Variants in CNTNAP2 observed in about 807,000 individuals in gnomAD.
The protein encoded by CNTNAP2 is contactin associated protein 2.
In CNTNAP2, 98 loss-of-function variants were observed where a neutral mutation model predicts 155.2. That is an observed-to-expected ratio of 0.63 (90% CI 0.54 to 0.75). CNTNAP2 has a LOEUF of 0.75. Among genes scored for constraint, CNTNAP2 ranks in the 30% least tolerant of loss-of-function variants. CNTNAP2 has a pLI of 0.00. For synonymous variants in CNTNAP2, 651 were observed against 631.2 expected (o/e 1.03, Z -0.47); for missense variants, 1,727 against 1,688.1 (o/e 1.02, Z -0.40).
chr7:147,180,233 T>C (rs1802426754), intron 8 of CNTNAP2, among the ~76,000 whole-genome samples: 1 of 152,226 alleles, frequency 6.6e-6, no homozygotes, highest in African/African-American at 2.4e-5. Context: ...GACTTTCTGA[T>C]TCTCTTTCTA....
At chr7:148,145,384 A>C (rs1450168914) in intron 16 of CNTNAP2, among the ~76,000 whole-genome samples, 1 of 152,192 alleles carries the variant, frequency 6.6e-6, no homozygotes, top group Non-Finnish European at 1.5e-5. Context: ...TGGCACTCAG[A>C]GTTTTTCCAA....
chr7:147,533,335 A>G (rs938540666), intron 11 of CNTNAP2, among the ~76,000 whole-genome samples: 3 of 152,202 alleles, frequency 2.0e-5, no homozygotes, highest in African/African-American at 4.8e-5. Flanking sequence ...TTATGTTTAC[A>G]TAAGTCTCTA....
chr7:146,754,413 T>G (rs970309711), intron 1 of CNTNAP2, among the ~76,000 whole-genome samples: 9 of 152,054 alleles, frequency 5.9e-5, no homozygotes, highest in Non-Finnish European at 1.3e-4. Context: ...TTTATTGTAA[T>G]TTTTGTTATC....
chr7:146,356,713 A>G (rs1795003778), intron 1 of CNTNAP2, among the ~76,000 whole-genome samples: 1 of 152,178 alleles, frequency 6.6e-6, no homozygotes, highest in African/African-American at 2.4e-5. Flanking sequence ...GATTTTCTAG[A>G]GTTTGGATGG....
intron 4 of CNTNAP2, among the ~76,000 whole-genome samples, chr7:147,104,054 T>C (rs1196138100): frequency 2.0e-5 from 3 of 152,070 alleles, no homozygotes; most frequent in East Asian, 3.9e-4. Context: ...GAAGTCCAAG[T>C]ATAATCTGTA....
intron 1 of CNTNAP2, among the ~76,000 whole-genome samples, chr7:146,132,794 T>G (rs980009894): frequency 2.7e-5 from 4 of 150,580 alleles, no homozygotes; most frequent in African/African-American, 9.8e-5. Flanking sequence ...TGCCACATTT[T>G]CTTAATCCAG....
intron 9 of CNTNAP2, among the ~76,000 whole-genome samples, chr7:147,334,330 G>T (rs530312975): frequency 6.6e-6 from 1 of 152,224 alleles, no homozygotes; most frequent in East Asian, 1.9e-4. Context: ...CACAGGAATT[G>T]CTTGTCTCTT....
chr7:147,530,979 A>G (rs1355579448), intron 11 of CNTNAP2, among the ~76,000 whole-genome samples: 1 of 152,198 alleles, frequency 6.6e-6, no homozygotes, highest in Non-Finnish European at 1.5e-5. Context: ...CAAAGGAGCT[A>G]CAGGGACCAT....
chr7:146,406,863 G>A (rs1584910713), intron 1 of CNTNAP2, among the ~76,000 whole-genome samples: 1 of 152,346 alleles, frequency 6.6e-6, no homozygotes, highest in African/African-American at 2.4e-5. Flanking sequence ...GCAGCCAGGT[G>A]AAGGCATCTT....
intron 10 of CNTNAP2, among the ~76,000 whole-genome samples, chr7:147,421,615 A>G (rs373239227): frequency 1.1e-3 from 31 of 29,136 alleles, no homozygotes; most frequent in East Asian, 8.2e-3. Context: ...GTGTGTGTGT[A>G]TGCTGAGATA....
intron 8 of CNTNAP2, among the ~76,000 whole-genome samples, chr7:147,290,103 G>A (rs939289766): frequency 1.3e-5 from 2 of 152,160 alleles, no homozygotes; most frequent in Non-Finnish European, 2.9e-5. Context: ...TACAGGGTTA[G>A]GTTCCTGCCA....
chr7:146,957,184 A>G (rs1411413918), intron 3 of CNTNAP2, among the ~76,000 whole-genome samples: 1 of 152,186 alleles, frequency 6.6e-6, no homozygotes, highest in Non-Finnish European at 1.5e-5. Context: ...GGCTATAAAA[A>G]TTTTCAGCAT....
chr7:148,173,558 A>T (rs1246843216), intron 18 of CNTNAP2, among the ~76,000 whole-genome samples: 4 of 152,368 alleles, frequency 2.6e-5, no homozygotes, highest in Admixed American at 6.5e-5. Context: ...TAATATGAGC[A>T]TACAAATTAG....
intron 3 of CNTNAP2, among the ~76,000 whole-genome samples, chr7:146,874,838 T>C (rs1421470027): frequency 6.6e-6 from 1 of 152,230 alleles, no homozygotes; most frequent in African/African-American, 2.4e-5. Context: ...AAGAATTATT[T>C]CAGAGTCTTA....
At chr7:146,341,594 T>G (rs1584878350) in intron 1 of CNTNAP2, among the ~76,000 whole-genome samples, 1 of 152,180 alleles carries the variant, frequency 6.6e-6, no homozygotes, top group East Asian at 1.9e-4. Flanking sequence ...ATAGTAATAA[T>G]GCTTACTTAT....
At chr7:148,326,342 T>C (rs999611688) in intron 21 of CNTNAP2, among the ~76,000 whole-genome samples, 2 of 152,114 alleles carry the variant, frequency 1.3e-5, no homozygotes, top group African/African-American at 4.8e-5. Flanking sequence ...CCTGATGTTT[T>C]TTCATTGTGT....
chr7:148,414,557 G>C (rs1487680180), intron 23 of CNTNAP2, among the ~76,000 whole-genome samples: 1 of 80,100 alleles, frequency 1.2e-5, no homozygotes, highest in East Asian at 2.7e-4. Context: ...GTCCTCATCT[G>C]CTCATTCCAT....
chr7:146,205,868 A>T (rs1798939042), intron 1 of CNTNAP2, among the ~76,000 whole-genome samples: 1 of 151,904 alleles, frequency 6.6e-6, no homozygotes, highest in African/African-American at 2.4e-5. Context: ...TCATAGACAG[A>T]AGTTTTATTC....
At chr7:147,110,810 A>C (rs1229028757) in intron 5 of CNTNAP2, among the ~76,000 whole-genome samples, 1 of 152,130 alleles carries the variant, frequency 6.6e-6, no homozygotes, top group Non-Finnish European at 1.5e-5. Context: ...TGTCTTTGCT[A>C]TTGTGAATAG....
Sources: gnomAD v4.1 joint callset for allele counts (sites outside exome capture counted in the v4.1 genomes callset) on GRCh38, gnomAD v4.1.1 for gene constraint, MANE v1.5 for transcripts, NCBI Gene and HGNC (gene_info 2026-07-23, HGNC 2026-07-21) for gene names.